The following HPS1 variants were observed in gnomAD, a reference collection of about 807,000 sequenced individuals.
HPS1 encodes the protein HPS1 biogenesis of lysosomal organelles complex 3 subunit 1, also known as BLOC-3 complex member HPS1.
Under a neutral mutation model 90.6 loss-of-function variants are expected in HPS1, and 59 were observed. That is an observed-to-expected ratio of 0.65 (90% CI 0.53 to 0.81). The LOEUF (loss-of-function observed/expected upper bound fraction) is 0.81, where lower values mean the gene tolerates loss of function less well. Ranked by LOEUF, HPS1 falls within the 30% of genes least tolerant of loss-of-function variation. The pLI is 0.00. For synonymous variants in HPS1, 388 were observed against 384.4 expected, an observed-to-expected ratio of 1.01 and a Z score of -0.11; for missense variants, 849 against 896.7, an observed-to-expected ratio of 0.95 and a Z score of 0.68.
In HPS1 at chr10:98,417,358, C is replaced by T; in HGVS notation, c.*206G>A. The T allele has an allele frequency of 1.9e-6, 1 of 532,238 alleles. No individual in the cohort carries two copies. The highest frequency in any genetic ancestry group is 3.3e-6 in the Non-Finnish European group (1 of 301,150). 33.0% of individuals were successfully genotyped at this position (532,238 alleles called of 1,614,324 possible). On this transcript the variant is annotated 3_prime_UTR_variant, in exon 20 of 20. Coordinates refer to ENST00000361490, the MANE Select transcript of HPS1 (RefSeq NM_000195.5). The surrounding 1 kb of genome is among the most constrained non-coding windows in gnomAD (Gnocchi z 4.2). ...ACAGGACCCCTGGGCTTCCCTCTTC[C>T]TCCAGAGAGAAGGATCTGGGGCCTT...
At chr10:98,419,085 G>A (rs893576694) in intron 18 of HPS1, among the ~76,000 whole-genome samples, 1 of 152,158 alleles carries the variant, frequency 6.6e-6, no homozygotes, top group Non-Finnish European at 1.5e-5. Context: ...CGTACAACGG[G>A]GTCAGGAATC....
rs564264215 is a variant in HPS1 at position 98,425,256 on chromosome 10, T to A, written c.1335+285A>T. Among the ~76,000 whole-genome samples, 34 of 152,376 alleles carry A rather than the reference T, an allele frequency of 2.2e-4. No individual in the cohort carries two copies. The South Asian group carries it at 6.8e-3, about 31-fold the overall frequency. ...GCTCCACTGCTCATGAGCTGCATAA[T>A]CTTGGCCAAGTTAAAACTTGTCTAA... On this transcript the variant is annotated intron_variant, in intron 13 of 19. Coordinates refer to ENST00000361490, the MANE Select transcript of HPS1 (RefSeq NM_000195.5).
downstream of HPS1, among the ~76,000 whole-genome samples, chr10:98,415,806 T>C (rs1408706076): frequency 2.6e-5 from 4 of 152,240 alleles, no homozygotes; most frequent in Non-Finnish European, 4.4e-5. Context: ...GCAAGTTCGC[T>C]GTCTGTAATT....
At chr10:98,441,175 G>A (rs1938351101) in intron 3 of HPS1, among the ~76,000 whole-genome samples, 1 of 152,092 alleles carries the variant, frequency 6.6e-6, no homozygotes, top group African/African-American at 2.4e-5. Context: ...ACCTTCCACT[G>A]CATCCCCAGT....
chr10:98,422,652 C>A, intron 16 of HPS1, 139 bp from the exon 17 acceptor site: 1 of 847,866 alleles, frequency 1.2e-6, no homozygotes, highest in South Asian at 1.4e-5. Flanking sequence ...TCAGCTAAGC[C>A]CCCTGTATCC....
At chr10:98,427,020 C>T (rs903780839) in intron 11 of HPS1, among the ~76,000 whole-genome samples, 195 bp downstream of exon 11, 1 of 152,220 alleles carries the variant, frequency 6.6e-6, no homozygotes, top group Non-Finnish European at 1.5e-5. Context: ...CCACCCCTCA[C>T]AGCCCATTCC....
intron 3 of HPS1, among the ~76,000 whole-genome samples, chr10:98,439,442 G>A (rs970073917): frequency 2.6e-5 from 4 of 152,208 alleles, no homozygotes; most frequent in African/African-American, 4.8e-5. Flanking sequence ...TGACCTGGAC[G>A]TGGATAGAGT....
At position 98,429,605 on chromosome 10, in the gene HPS1, G is replaced by T. The variant is rs1180271356; in HGVS notation, c.905C>A (p.Thr302Lys). Residue 302 changes from threonine to lysine, a missense_variant, in exon 10 of 20, where the codon ACA becomes AAA. Physicochemically the swap from Thr to Lys is moderately conservative, Grantham distance 78. Coordinates refer to ENST00000361490, the MANE Select transcript of HPS1 (RefSeq NM_000195.5). ...CTGATCGCCAGGGGAAGGAGCTGGT[G>T]TGAAGTACTCCTCAGGGAGGGAGAA... Reference protein sequence around the residue: ...DSFSLPEEYFTPAPSPGDQSS... With the variant: ...DSFSLPEEYFKPAPSPGDQSS... 1 of 1,614,116 alleles carries T rather than the reference G, an allele frequency of 6.2e-7. No individual in the cohort carries two copies. The highest frequency in any genetic ancestry group is 8.5e-7 in the Non-Finnish European group (1 of 1,180,042).
At chr10:98,421,359 G>A (rs1159952440) in intron 17 of HPS1, among the ~76,000 whole-genome samples, 1 of 152,166 alleles carries the variant, frequency 6.6e-6, no homozygotes, top group Non-Finnish European at 1.5e-5. Flanking sequence ...GGTGTATACT[G>A]CAGAATTATT....
chr10:98,431,380 C>T, intron 6 of HPS1, 89 bp from the exon 7 acceptor site: 2 of 1,370,702 alleles, frequency 1.5e-6, no homozygotes, highest in Non-Finnish European at 2.0e-6. Context: ...TTCACTCTGT[C>T]CACAGTGAGC....
In HPS1 at chr10:98,426,030, T is replaced by C. The variant is rs1183772269; in HGVS notation, c.988-45A>G. The C allele has an allele frequency of 1.9e-6, 3 of 1,557,232 alleles. No homozygotes were observed. In the East Asian group the frequency reaches 6.7e-5, roughly 35 times the overall value. On this transcript the variant is annotated intron_variant, in intron 11 of 19. Transcript: ENST00000361490. Reference sequence around the variant, plus strand: ...GCAGTGAGAGGTGGGATCCCTAAGTTGGACCCACCCATTGCGGCCCTATCT... The same window carrying C: ...GCAGTGAGAGGTGGGATCCCTAAGTCGGACCCACCCATTGCGGCCCTATCT...
Position 98,435,439 on chromosome 10 carries a change from C to A in HPS1, c.256-25G>T, listed in dbSNP as rs1226531352. On this transcript the variant is annotated intron_variant, in intron 4 of 19. Coordinates refer to ENST00000361490, the MANE Select transcript of HPS1 (RefSeq NM_000195.5). The surrounding 1 kb of genome is among the most constrained non-coding windows in gnomAD (Gnocchi z 4.3). ...ACTGCAGGCACAGGCAGGCCAGTGT[C>A]AGCCAGCCCCAAGGGCACTCCCTTC... 1.9e-6 allele frequency: 3 copies of A among 1,613,538 alleles called. No individual in the cohort carries two copies. In the African/African-American group the frequency reaches 4.0e-5, roughly 22 times the overall value.
chr10:98,444,381 G>A (rs1422654707), intron 2 of HPS1, among the ~76,000 whole-genome samples: 3 of 152,134 alleles, frequency 2.0e-5, no homozygotes, highest in East Asian at 1.9e-4. Context: ...GGCCCTCTGC[G>A]TGCGGCAAAC....
rs1324365890 is a variant in HPS1, at chr10:98,423,793, G to C, written c.1492C>G (p.Leu498Val). 1 of 1,614,080 alleles carries C rather than the reference G, an allele frequency of 6.2e-7. No individual in the cohort carries two copies. Among genetic ancestry groups the C allele is most frequent in the Non-Finnish European group, 8.5e-7 (1 of 1,180,032 alleles). ...TTAPSRGGPH[L>V]PQHLQDQVQR... ...ACTTGGTCCTGCAGGTGCTGGGGCA[G>C]GTGTGGGCCTCCCCTGCTGGGGGCT... Residue 498 changes from leucine to valine, a missense_variant, in exon 15 of 20, where the codon CTG becomes GTG. Coordinates refer to ENST00000361490, the MANE Select transcript of HPS1 (RefSeq NM_000195.5).
chr10:98,415,076 C>T (rs1338413660), downstream of HPS1: 1 of 1,614,126 alleles, frequency 6.2e-7, no homozygotes, highest in South Asian at 1.1e-5. Flanking sequence ...TATCTCGTCT[C>T]CACGCCGGGA....
At chr10:98,431,895 CAT>C (rs1399897797) in intron 6 of HPS1, among the ~76,000 whole-genome samples, 1 of 152,208 alleles carries the variant, frequency 6.6e-6, no homozygotes, top group East Asian at 1.9e-4. Flanking sequence ...ATATTATCAC[CAT>C]ATGATATAAA....
chr10:98,418,647 A>C (rs1271318720), intron 18 of HPS1, among the ~76,000 whole-genome samples: 4 of 152,234 alleles, frequency 2.6e-5, no homozygotes, highest in African/African-American at 9.6e-5. Flanking sequence ...GAAGGGAATT[A>C]AGATCTGCTG....
At chr10:98,439,981 C>G (rs1938132097) in intron 3 of HPS1, among the ~76,000 whole-genome samples, 1 of 152,198 alleles carries the variant, frequency 6.6e-6, no homozygotes, top group South Asian at 2.1e-4. Context: ...CCCCTTCACT[C>G]AGCACTTCTC....
chr10:98,418,324 G>A, intron 18 of HPS1, 67 bp from the exon 19 acceptor site: 1 of 868,434 alleles, frequency 1.2e-6, no homozygotes, highest in Non-Finnish European at 1.8e-6. Flanking sequence ...AGACGCACCG[G>A]GCTTGCGGCC....
Sources: gnomAD v4.1 joint callset for allele counts (sites outside exome capture counted in the v4.1 genomes callset) on GRCh38, gnomAD v4.1.1 for gene constraint, Gnocchi (gnomAD v3.1) non-coding constraint, MANE v1.5 for transcripts, NCBI Gene and HGNC (gene_info 2026-07-23, HGNC 2026-07-21) for gene names.